ALDH8A1: variants seen among roughly 807,000 people sequenced by gnomAD.
ALDH8A1 encodes 2-aminomuconic semialdehyde dehydrogenase.
A neutral mutation model predicts 43.3 loss-of-function variants in ALDH8A1; 39 were observed. The observed-to-expected ratio is 0.90, with a 90% CI of 0.70 to 1.18. The LOEUF is 1.18. ALDH8A1 is among the 50% of genes most tolerant of loss of function. The probability of loss-of-function intolerance (pLI) is 0.00; values close to 1 mark genes in which losing one functional copy is unlikely to be tolerated. For synonymous variants in ALDH8A1, 233 were observed against 243.5 expected, an observed-to-expected ratio of 0.96 and a Z score of 0.40; for missense variants, 605 against 622.6, an observed-to-expected ratio of 0.97 and a Z score of 0.30.
At chr6:134,942,946 C>T (rs561871315) in intron 2 of ALDH8A1, among the ~76,000 whole-genome samples, 2 of 152,330 alleles carry the variant, frequency 1.3e-5, no homozygotes, top group South Asian at 4.1e-4. Flanking sequence ...AATTGCACAG[C>T]ACAAAACGAA....
intron 2 of ALDH8A1, among the ~76,000 whole-genome samples, chr6:134,942,909 T>C: frequency 6.6e-6 from 1 of 152,206 alleles, no homozygotes; most frequent in Non-Finnish European, 1.5e-5. Context: ...GACAAAGGCA[T>C]TGAAATACGG....
chr6:134,929,357 T>C lies in ALDH8A1; in HGVS notation c.850-142A>G, dbSNP rs1034086699. Reference sequence around the variant, plus strand: ...GGTAAATAAGACAAAGTTCCCACCATGTGGAACACATAGTCTTGTGGGAAA... The same window carrying C: ...GGTAAATAAGACAAAGTTCCCACCACGTGGAACACATAGTCTTGTGGGAAA... On this transcript the variant is annotated intron_variant, in intron 5 of 6. Transcript: ENST00000265605. 8 of 731,848 alleles carry C rather than the reference T, an allele frequency of 1.1e-5. No individual in the cohort carries two copies. The East Asian group carries it at 1.1e-4, about 10-fold the overall frequency. 45.3% of individuals were successfully genotyped at this position (731,848 alleles called of 1,614,324 possible). A position where few individuals can be genotyped will look rare whatever the true frequency, so the allele number is the denominator to read the frequency against.
chr6:134,943,915 G>A lies in ALDH8A1; in HGVS notation c.190C>T (p.Arg64Cys), dbSNP rs776988535. The A allele has an allele frequency of 1.6e-5, 26 of 1,614,050 alleles. No individual in the cohort carries two copies. The highest frequency in any genetic ancestry group is 2.2e-5 in the East Asian group (1 of 44,888). ...AREAFPSWSS[R>C]SPQERSRVLN... The stretch of plus-strand genomic sequence containing the variant: ...ACCCGTGAGCGCTCCTGGGGGCTGC[G>A]GGATGACCAGCTGGGAAAGGCTTCT... Residue 64 changes from arginine to cysteine, a missense_variant, in exon 2 of 7, where the codon CGC becomes TGC. Coordinates refer to ENST00000265605, the MANE Select transcript of ALDH8A1 (RefSeq NM_022568.4).
At chr6:134,949,610 C>T (rs564566056) in intron 1 of ALDH8A1, among the ~76,000 whole-genome samples, 27 of 151,986 alleles carry the variant, frequency 1.8e-4, no homozygotes, top group Non-Finnish European at 3.5e-4. Context: ...AGTGATAGCT[C>T]TTACAAATAA....
chr6:134,940,945 G>A, intron 3 of ALDH8A1, among the ~76,000 whole-genome samples: 1 of 152,216 alleles, frequency 6.6e-6, no homozygotes, highest in East Asian at 1.9e-4. Context: ...AAAGCAATGA[G>A]ATGTCCCAAT....
intron 6 of ALDH8A1, among the ~76,000 whole-genome samples, chr6:134,921,435 C>T (rs940717984): frequency 2.0e-5 from 3 of 152,122 alleles, no homozygotes; most frequent in South Asian, 2.1e-4. Flanking sequence ...AGCAACCCTG[C>T]GAAAAGGCAA....
chr6:134,943,350 G>A (rs1184347493), intron 2 of ALDH8A1, among the ~76,000 whole-genome samples: 1 of 151,820 alleles, frequency 6.6e-6, no homozygotes, highest in Non-Finnish European at 1.5e-5. Context: ...GGGAAAGAGT[G>A]GGAAAAAAAA....
chr6:134,937,836 C>T (rs746684686), intron 4 of ALDH8A1, among the ~76,000 whole-genome samples: 6 of 152,170 alleles, frequency 3.9e-5, no homozygotes, highest in Non-Finnish European at 5.9e-5. Context: ...AGGGTCGGCA[C>T]ATTTAAATGA....
In ALDH8A1 at chr6:134,926,060, G is replaced by A. The variant is rs896022545; in HGVS notation, c.1011+2994C>T. 3.9e-5 allele frequency among the ~76,000 whole-genome samples: 6 copies of A among 152,066 alleles called. No homozygotes were observed. In the East Asian group the frequency reaches 9.7e-4, roughly 24 times the overall value. On this transcript the variant is annotated intron_variant, in intron 6 of 6. Transcript: ENST00000265605. ...TTTCTTAGGTTATTCTAAAGACTTA[G>A]GCATGGACTGTGAGTAACATGGGGT...
intron 1 of ALDH8A1, chr6:134,944,259 G>C (rs577795439): frequency 2.2e-5 from 6 of 278,266 alleles, no homozygotes; most frequent in Admixed American, 2.0e-4. Flanking sequence ...AGTAGAAAGG[G>C]GGTTTCACCA....
At chr6:134,944,714 T>A (rs934220721) in intron 1 of ALDH8A1, among the ~76,000 whole-genome samples, 3 of 151,448 alleles carry the variant, frequency 2.0e-5, no homozygotes, top group Non-Finnish European at 4.4e-5. Flanking sequence ...TGAGACCCTG[T>A]CTCTACACAA....
intron 4 of ALDH8A1, among the ~76,000 whole-genome samples, chr6:134,933,446 G>C (rs909102317): frequency 3.9e-5 from 6 of 152,140 alleles, no homozygotes; most frequent in African/African-American, 1.4e-4. Context: ...ACATTAAGTA[G>C]AGAGGTGTAT....
At position 134,950,030 on chromosome 6, in the gene ALDH8A1, C is replaced by G. The variant is rs1266420855; in HGVS notation, c.24G>C (p.Leu8Phe). Residue 8 changes from leucine (L) to phenylalanine (F), a missense_variant, in exon 1 of 7, where the codon TTG (leucine) becomes TTC (phenylalanine). Leu to Phe is a conservative substitution (Grantham distance 22). Coordinates refer to ENST00000265605, the MANE Select transcript of ALDH8A1 (RefSeq NM_022568.4). ...TTCCATCTATGAAGTTTTCCAGCATCAAAAGTGCGTTTGTTCCAGCCATAG... is the reference window on the plus strand; with the variant it reads ...TTCCATCTATGAAGTTTTCCAGCATGAAAAGTGCGTTTGTTCCAGCCATAG... MAGTNALLMLENFIDGKF... is the reference protein window; with the variant it reads MAGTNALFMLENFIDGKF... 6.2e-7 allele frequency: 1 copy of G among 1,612,388 alleles called. No homozygotes were observed. The highest frequency in any genetic ancestry group is 8.5e-7 in the Non-Finnish European group (1 of 1,179,292).
At chr6:134,949,795 CTTCT>C (rs1774012302) in intron 1 of ALDH8A1, 117 bp downstream of exon 1, 4 of 1,161,740 alleles carry the variant, frequency 3.4e-6, no homozygotes, top group Admixed American at 5.7e-5. Flanking sequence ...TAGAATCTTC[CTTCT>C]ATCATGTTTA....
chr6:134,947,587 T>C (rs145285084), intron 1 of ALDH8A1, among the ~76,000 whole-genome samples: 73 of 152,050 alleles, frequency 4.8e-4, no homozygotes, highest in Middle Eastern at 6.8e-3. Context: ...GGGCAAATGA[T>C]CTAAAGAGAT....
intron 4 of ALDH8A1, 82 bp from the exon 5 acceptor site, chr6:134,933,114 C>A: frequency 7.0e-7 from 1 of 1,423,024 alleles, no homozygotes. Flanking sequence ...CTTTAAAGTC[C>A]AATCGCTTGA....
intron 3 of ALDH8A1, among the ~76,000 whole-genome samples, chr6:134,939,622 A>C (rs1325246866): frequency 6.6e-6 from 1 of 152,272 alleles, no homozygotes; most frequent in East Asian, 1.9e-4. Flanking sequence ...TTTAAAACAG[A>C]GTAAAGTCAA....
chr6:134,937,797 G>C (rs1773771566), intron 4 of ALDH8A1, among the ~76,000 whole-genome samples: 1 of 152,154 alleles, frequency 6.6e-6, no homozygotes, highest in African/African-American at 2.4e-5. Context: ...ATTAGACTGT[G>C]AGGTCTTTTG....
intron 5 of ALDH8A1, among the ~76,000 whole-genome samples, chr6:134,929,582 G>C (rs1031922530): frequency 6.6e-6 from 1 of 152,150 alleles, no homozygotes; most frequent in Non-Finnish European, 1.5e-5. Context: ...GTGAAGGCAT[G>C]AGACGGGAAA....
Sources: allele counts gnomAD v4.1 joint callset (sites outside exome capture counted in the v4.1 genomes callset), GRCh38; gene constraint gnomAD v4.1.1; transcripts MANE v1.5; gene names NCBI Gene and HGNC (gene_info 2026-07-23, HGNC 2026-07-21).